NFIB: variants seen among roughly 807,000 people sequenced by gnomAD.
NFIB encodes the protein nuclear factor I B.
In NFIB, 11 loss-of-function variants were observed where a neutral mutation model predicts 61.5. That is an observed-to-expected ratio of 0.18 (90% CI 0.11 to 0.30). NFIB has a LOEUF of 0.30. Ranked by LOEUF, NFIB falls within the 10% of genes least tolerant of loss-of-function variation. The pLI, the probability that NFIB is intolerant of heterozygous loss-of-function variation, is 1.00. For missense variants in NFIB, 471 were observed against 608.9 expected, an observed-to-expected ratio of 0.77 and a Z score of 2.38; for synonymous variants, 260 against 216.5, an observed-to-expected ratio of 1.20 and a Z score of -1.76.
At chr9:14,431,763 G>T in the NFIB span, among the ~76,000 whole-genome samples, 1 of 152,032 alleles carries the variant, frequency 6.6e-6, no homozygotes, top group African/African-American at 2.4e-5. Flanking sequence ...GGGGAAAAAG[G>T]CCTCTCTTGG....
intron 2 of NFIB, among the ~76,000 whole-genome samples, chr9:14,297,931 G>A (rs755702230): frequency 8.5e-4 from 130 of 152,202 alleles, no homozygotes; most frequent in South Asian, 1.7e-3. Flanking sequence ...AGAGAAGAAC[G>A]GAGGTAAAAT....
At chr9:14,377,630 T>C (rs1423736408) in intron 1 of NFIB, among the ~76,000 whole-genome samples, 1 of 152,098 alleles carries the variant, frequency 6.6e-6, no homozygotes, top group African/African-American at 2.4e-5. Flanking sequence ...GACGGAGCAT[T>C]TTGTTTCAAT....
intron 1 of NFIB, among the ~76,000 whole-genome samples, chr9:14,384,043 G>C (rs899528270): frequency 6.6e-6 from 1 of 152,208 alleles, no homozygotes; most frequent in Non-Finnish European, 1.5e-5. Flanking sequence ...ATGCTTAAGC[G>C]AGCCACTTAG....
At chr9:14,291,101 T>C (rs1324480094) in intron 2 of NFIB, among the ~76,000 whole-genome samples, 1 of 152,130 alleles carries the variant, frequency 6.6e-6, no homozygotes, top group African/African-American at 2.4e-5. Flanking sequence ...AATGTGTTAA[T>C]CTTTGCCTTA....
the NFIB span, among the ~76,000 whole-genome samples, chr9:14,430,577 TTTA>T: frequency 1.9e-5 from 1 of 52,104 alleles, no homozygotes; most frequent in Admixed American, 1.3e-4. Context: ...TGAAATGCTA[TTTA>T]TTTATTTATT....
At chr9:14,443,530 T>C in the NFIB span, among the ~76,000 whole-genome samples, 4 of 152,200 alleles carry the variant, frequency 2.6e-5, no homozygotes, top group Non-Finnish European at 4.4e-5. Flanking sequence ...AAAACTGCGA[T>C]GCCATCCTCA....
chr9:14,184,494 A>C (rs2047130146), intron 2 of NFIB, among the ~76,000 whole-genome samples: 2 of 61,724 alleles, frequency 3.2e-5, no homozygotes, highest in Non-Finnish European at 1.1e-4. Context: ...GGCCAATTCT[A>C]TAAATCAAAT....
intron 1 of NFIB, among the ~76,000 whole-genome samples, chr9:14,392,170 AAAG>A (rs1234308905): frequency 6.6e-6 from 1 of 152,246 alleles, no homozygotes; most frequent in Non-Finnish European, 1.5e-5. Context: ...AAGAGGAGCC[AAAG>A]AAGACATAAT....
At chr9:14,395,831 T>C (rs1445335032) in intron 1 of NFIB, among the ~76,000 whole-genome samples, 3 of 147,608 alleles carry the variant, frequency 2.0e-5, no homozygotes, top group African/African-American at 7.4e-5. Context: ...GTGTCCCATC[T>C]GTTCCTGCAG....
chr9:14,313,998 G>C lies in NFIB; in HGVS notation c.-487C>G. On this transcript the variant is annotated 5_prime_UTR_variant, in exon 1 of 11. Transcript: ENST00000380953. The surrounding 1 kb of genome is among the most constrained non-coding windows in gnomAD (Gnocchi z 4.5). The stretch of plus-strand genomic sequence containing the variant: ...AGGGCGAGCGGGCGGGCGGGAGGGA[G>C]AGCGGGGAGAATGTGTCACCGCGCT... 13 of 1,060,592 alleles carry C rather than the reference G, an allele frequency of 1.2e-5. No homozygotes were observed. Among genetic ancestry groups the C allele is most frequent in the Non-Finnish European group, 1.5e-5 (13 of 878,284 alleles). The allele number at this position is 1,060,592 out of a possible 1,614,324, so 65.7% of individuals were successfully genotyped here. A position where few individuals can be genotyped will look rare whatever the true frequency, so the allele number is the denominator to read the frequency against.
At chr9:14,149,863 G>A (rs1353648099) in intron 5 of NFIB, among the ~76,000 whole-genome samples, 1 of 152,116 alleles carries the variant, frequency 6.6e-6, no homozygotes, top group Non-Finnish European at 1.5e-5. Flanking sequence ...TTGTTAACTT[G>A]TAGCATTTTA....
chr9:14,162,900 A>G (rs1478855937), intron 3 of NFIB, among the ~76,000 whole-genome samples: 1 of 152,114 alleles, frequency 6.6e-6, no homozygotes, highest in African/African-American at 2.4e-5. Flanking sequence ...TAATAAAATT[A>G]AATGTATGCC....
In NFIB at chr9:14,125,772, A is replaced by G; in HGVS notation, c.926-6T>C. ...AGTAGTCGGAGAAGACATATCTGCGAGAAACAGAGAAAAACCCAAAGCTCC... is the reference window on the plus strand; with the variant it reads ...AGTAGTCGGAGAAGACATATCTGCGGGAAACAGAGAAAAACCCAAAGCTCC... On this transcript the variant is annotated splice_region_variant and splice_polypyrimidine_tract_variant and intron_variant, in intron 6 of 10. Coordinates refer to ENST00000380953, the MANE Select transcript of NFIB (RefSeq NM_001190737.2). 6.2e-7 allele frequency: 1 copy of G among 1,613,312 alleles called. No individual in the cohort carries two copies. Among genetic ancestry groups the G allele is most frequent in the Non-Finnish European group, 8.5e-7 (1 of 1,179,698 alleles).
the NFIB span, among the ~76,000 whole-genome samples, chr9:14,424,771 G>A: frequency 6.6e-6 from 1 of 152,160 alleles, no homozygotes. Context: ...TCTATGGAGA[G>A]GGAAAGGATT....
At chr9:14,400,835 CA>C (rs954489728), upstream of NFIB, among the ~76,000 whole-genome samples, 74 of 152,258 alleles carry the variant, frequency 4.9e-4, no homozygotes, top group Middle Eastern at 6.8e-3. Context: ...TCTTGGAGAA[CA>C]AAACATTCTG....
the NFIB span, among the ~76,000 whole-genome samples, chr9:14,435,914 A>G: frequency 3.3e-5 from 5 of 152,226 alleles, no homozygotes; most frequent in African/African-American, 1.2e-4. Context: ...ATACTATTAA[A>G]TGCCACACCC....
intron 2 of NFIB, among the ~76,000 whole-genome samples, chr9:14,218,543 C>T (rs538592582): frequency 2.0e-5 from 3 of 152,156 alleles, no homozygotes; most frequent in Non-Finnish European, 1.5e-5. Flanking sequence ...GGGCTTCTAA[C>T]CTCCTGAGAG....
intron 2 of NFIB, among the ~76,000 whole-genome samples, chr9:14,255,264 C>A (rs2056108287): frequency 6.6e-6 from 1 of 152,214 alleles, no homozygotes; most frequent in Middle Eastern, 3.4e-3. Context: ...TTGGCTGAAC[C>A]ATGAGGAGTT....
chr9:14,085,758 C>A lies in NFIB; in HGVS notation c.*2551G>T. 1 of 219,366 alleles carries A rather than the reference C, an allele frequency of 4.6e-6. No homozygotes were observed. The highest frequency in any genetic ancestry group is 9.1e-6 in the Non-Finnish European group (1 of 109,472). 13.6% of individuals were successfully genotyped at this position (219,366 alleles called of 1,614,324 possible). A position where few individuals can be genotyped will look rare whatever the true frequency, so the allele number is the denominator to read the frequency against. On this transcript the variant is annotated 3_prime_UTR_variant, in exon 11 of 11. Transcript: ENST00000380953. ...GTAGTAAGTCACAGGTAAATCATAT[C>A]CTATCATTAATGAAATGAAATGGGG...
Sources: allele counts gnomAD v4.1 joint callset (sites outside exome capture counted in the v4.1 genomes callset), GRCh38; gene constraint gnomAD v4.1.1; non-coding constraint Gnocchi (gnomAD v3.1); transcripts MANE v1.5; gene names NCBI Gene and HGNC (gene_info 2026-07-23, HGNC 2026-07-21).